PLXNA4: variants seen among roughly 807,000 people sequenced by gnomAD.
PLXNA4 encodes plexin-A4.
A neutral mutation model predicts 191.8 loss-of-function variants in PLXNA4; 44 were observed. That is an observed-to-expected ratio of 0.23 (90% CI 0.18 to 0.29). The LOEUF is 0.29. Ranked by LOEUF, PLXNA4 falls within the 10% of genes least tolerant of loss-of-function variation. The probability of loss-of-function intolerance (pLI) is 1.00; values close to 1 mark genes in which losing one functional copy is unlikely to be tolerated. For missense variants in PLXNA4, 1,800 were observed against 2,488.8 expected, an observed-to-expected ratio of 0.72 and a Z score of 5.89; for synonymous variants, 1,082 against 1,009.5, an observed-to-expected ratio of 1.07 and a Z score of -1.36.
chr7:132,268,477 T>C (rs1215166478), intron 4 of PLXNA4, among the ~76,000 whole-genome samples: 2 of 152,186 alleles, frequency 1.3e-5, no homozygotes, highest in Admixed American at 1.3e-4. Context: ...AGTTTGAAAT[T>C]TTGTTTGGAT....
At chr7:132,313,050 C>T (rs1257019522) in intron 3 of PLXNA4, among the ~76,000 whole-genome samples, 1 of 152,130 alleles carries the variant, frequency 6.6e-6, no homozygotes, top group Non-Finnish European at 1.5e-5. Flanking sequence ...GCAGGAGCTG[C>T]ACCTGGACCT....
At chr7:132,220,880 A>C (rs1194118112) in intron 9 of PLXNA4, among the ~76,000 whole-genome samples, 1 of 138,188 alleles carries the variant, frequency 7.2e-6, no homozygotes, top group Non-Finnish European at 1.5e-5. Flanking sequence ...TGGCTTGCTC[A>C]TGGCTCACTG....
In PLXNA4 at chr7:132,508,150, T is replaced by G; in HGVS notation, c.544A>C (p.Lys182Gln). ...TCCACTGCCGTGGCAATGAACAGCT[T>G]GTCATCCAGGTTGCTGTAGGAGACG... ...VIVSYSNLDD[K>Q]LFIATAVDGK... The change falls in exon 2 of 32, where the codon AAG becomes CAG. Residue 182 changes from lysine (K) to glutamine (Q), a missense_variant. Coordinates refer to ENST00000321063, the MANE Select transcript of PLXNA4 (RefSeq NM_020911.2). The surrounding 1 kb of genome is among the most constrained non-coding windows in gnomAD (Gnocchi z 4.4). 1 of 1,614,180 alleles carries G rather than the reference T, an allele frequency of 6.2e-7. No homozygotes were observed. Among genetic ancestry groups the G allele is most frequent in the East Asian group, 2.2e-5 (1 of 44,862 alleles).
intron 24 of PLXNA4, among the ~76,000 whole-genome samples, chr7:132,161,683 C>T (rs566208061): frequency 5.0e-4 from 75 of 151,434 alleles, no homozygotes; most frequent in Middle Eastern, 3.4e-3. Flanking sequence ...GGCTCCCGGG[C>T]GGGCACCTAG....
chr7:132,176,850 G>A (rs1158650754), intron 20 of PLXNA4, among the ~76,000 whole-genome samples: 1 of 152,202 alleles, frequency 6.6e-6, no homozygotes, highest in East Asian at 1.9e-4. Context: ...GAGTGCATGT[G>A]TATGTCTGTG....
chr7:132,362,947 T>C (rs1804007681), intron 3 of PLXNA4, among the ~76,000 whole-genome samples: 2 of 152,238 alleles, frequency 1.3e-5, no homozygotes, highest in African/African-American at 4.8e-5. Context: ...ACATTCACAC[T>C]GCTATGTAAC....
intron 3 of PLXNA4, among the ~76,000 whole-genome samples, chr7:132,485,965 C>T (rs1301556341): frequency 6.6e-6 from 1 of 152,130 alleles, no homozygotes; most frequent in African/African-American, 2.4e-5. Flanking sequence ...TTGAGAGCAG[C>T]CCACGGATAG....
intron 4 of PLXNA4, among the ~76,000 whole-genome samples, chr7:132,291,108 C>T (rs1017767617): frequency 6.6e-6 from 1 of 152,106 alleles, no homozygotes; most frequent in African/African-American, 2.4e-5. Flanking sequence ...TCACCACTTT[C>T]CCCCTTCTCC....
intron 1 of PLXNA4, among the ~76,000 whole-genome samples, chr7:132,525,443 C>T (rs548175261): frequency 4.4e-4 from 67 of 152,100 alleles, no homozygotes; most frequent in African/African-American, 1.5e-3. Flanking sequence ...AGAGTTGATT[C>T]TCAGTATATT....
intron 9 of PLXNA4, among the ~76,000 whole-genome samples, chr7:132,222,825 G>A (rs1469987103): frequency 6.6e-6 from 1 of 152,136 alleles, no homozygotes; most frequent in Non-Finnish European, 1.5e-5. Flanking sequence ...AATTCAGAGG[G>A]AATAGAAAAG....
rs201411932 is a variant in PLXNA4 at position 132,508,395 on chromosome 7, A to T, written c.299T>A (p.Ile100Asn). The change falls in exon 2 of 32, where the codon ATC (isoleucine) becomes AAC (asparagine). Residue 100 changes from isoleucine to asparagine, a missense_variant. Coordinates refer to ENST00000321063, the MANE Select transcript of PLXNA4 (RefSeq NM_020911.2). The surrounding 1 kb of genome is among the most constrained non-coding windows in gnomAD (Gnocchi z 4.4). The part of the protein sequence containing the change: ...EDNPKCYPPR[I>N]VQTCNEPLTT... ...CAGGGGCTCATTGCAGGTCTGGACG[A>T]TGCGGGGTGGGTAACACTTGGGGTT... The T allele has an allele frequency of 2.2e-4, 352 of 1,614,120 alleles. No individual in the cohort carries two copies. The highest frequency in any genetic ancestry group is 2.7e-4 in the Non-Finnish European group (321 of 1,180,026).
rs908210595 is a variant in PLXNA4, at chr7:132,530,175, A to C, written c.-86-21396T>G. Among the ~76,000 whole-genome samples, 12 of 152,264 alleles carry C rather than the reference A, an allele frequency of 7.9e-5. No homozygotes were observed. In the East Asian group the frequency reaches 2.1e-3, roughly 27 times the overall value. On this transcript the variant is annotated intron_variant, in intron 1 of 31. Coordinates refer to ENST00000321063, the MANE Select transcript of PLXNA4 (RefSeq NM_020911.2). ...AAGACTCACCAAGGGCCATGAGGAA[A>C]CTTCTAGGGATGATGGATATGCTCA...
rs1795471836 is a variant in PLXNA4 at position 132,147,550 on chromosome 7, C to A, written c.4864+350G>T. On this transcript the variant is annotated intron_variant, in intron 27 of 31. Coordinates refer to ENST00000321063, the MANE Select transcript of PLXNA4 (RefSeq NM_020911.2). The stretch of plus-strand genomic sequence containing the variant: ...TCTTACAAATCATTTAGCCTCTGTG[C>A]ACCTGAGTTATAATGTACTAATCTG... Among the ~76,000 whole-genome samples the A allele has an allele frequency of 2.6e-5, 4 of 152,134 alleles. No homozygotes were observed. The South Asian group carries it at 8.3e-4, about 32-fold the overall frequency.
rs900308947 is a variant in PLXNA4, at chr7:132,127,808, C to T, written c.*2671G>A. ...TGTCTCCTCTTTCTTCCTAACCTTT[C>T]TATTTCTCTGAGGTGTTTGAAATTT... On this transcript the variant is annotated 3_prime_UTR_variant, in exon 32 of 32. Coordinates refer to ENST00000321063, the MANE Select transcript of PLXNA4 (RefSeq NM_020911.2). 15 of 152,204 alleles carry T rather than the reference C, an allele frequency of 9.9e-5. No individual in the cohort carries two copies. Among genetic ancestry groups the T allele is most frequent in the African/African-American group, 3.6e-4 (15 of 41,530 alleles). 9.4% of individuals were successfully genotyped at this position (152,204 alleles called of 1,614,324 possible).
intron 30 of PLXNA4, among the ~76,000 whole-genome samples, chr7:132,139,525 G>A (rs6949330): frequency 4.6e-5 from 7 of 152,116 alleles, no homozygotes; most frequent in East Asian, 1.9e-4. Context: ...GTAGAGTTGC[G>A]CAGGTTATTC....
chr7:132,256,080 G>T (rs148856467), intron 4 of PLXNA4, among the ~76,000 whole-genome samples: 1 of 152,232 alleles, frequency 6.6e-6, no homozygotes, highest in Non-Finnish European at 1.5e-5. Context: ...CTGTGTGCCG[G>T]CATGTTGGGA....
intron 3 of PLXNA4, among the ~76,000 whole-genome samples, chr7:132,419,812 G>C (rs188242257): frequency 6.6e-5 from 10 of 152,198 alleles, no homozygotes; most frequent in Non-Finnish European, 1.0e-4. Context: ...AGCTGCCACA[G>C]ACAATACATA....
intron 1 of PLXNA4, among the ~76,000 whole-genome samples, chr7:132,572,678 C>T (rs1476368330): frequency 6.6e-6 from 1 of 152,188 alleles, no homozygotes; most frequent in Admixed American, 6.5e-5. Flanking sequence ...CTGTGGGCTC[C>T]ACCTTCCTAC....
intron 1 of PLXNA4, among the ~76,000 whole-genome samples, chr7:132,554,795 T>A (rs1293896408): frequency 6.6e-6 from 1 of 152,108 alleles, no homozygotes; most frequent in East Asian, 1.9e-4. Flanking sequence ...TGGAGGCAAG[T>A]GAGGACATCC....
Sources: allele counts gnomAD v4.1 joint callset (sites outside exome capture counted in the v4.1 genomes callset), GRCh38; gene constraint gnomAD v4.1.1; non-coding constraint Gnocchi (gnomAD v3.1); transcripts MANE v1.5; gene names NCBI Gene and HGNC (gene_info 2026-07-23, HGNC 2026-07-21).